The following GALNT13 variants were observed in gnomAD, a reference collection of about 807,000 sequenced individuals.
GALNT13 encodes UDP-GalNAc:polypeptide N-acetylgalactosaminyltransferase 13.
In GALNT13, 28 loss-of-function variants were observed where a neutral mutation model predicts 64.2. The observed-to-expected ratio is 0.44, with a 90% CI of 0.32 to 0.60. The LOEUF (loss-of-function observed/expected upper bound fraction) is 0.60. GALNT13 is among the 20% of genes least tolerant of loss of function. The pLI, the probability that GALNT13 is intolerant of heterozygous loss-of-function variation, is 0.05. For missense variants in GALNT13, 577 were observed against 669.8 expected, an observed-to-expected ratio of 0.86 and a Z score of 1.53; for synonymous variants, 214 against 224.6, an observed-to-expected ratio of 0.95 and a Z score of 0.42.
chr2:154,121,090 C>T (rs115276410), intron 3 of GALNT13, among the ~76,000 whole-genome samples: 2,299 of 152,260 alleles, frequency 0.015, 31 homozygotes, highest in African/African-American at 0.023. Context: ...GGTATTGTGC[C>T]GACTTGGGGA....
At chr2:153,455,909 C>T in the GALNT13 span, among the ~76,000 whole-genome samples, 1 of 152,056 alleles carries the variant, frequency 6.6e-6, no homozygotes, top group African/African-American at 2.4e-5. Flanking sequence ...ATTTTATTGC[C>T]AATTAAAATG....
chr2:153,502,884 C>A, the GALNT13 span, among the ~76,000 whole-genome samples: 8 of 151,994 alleles, frequency 5.3e-5, no homozygotes, highest in African/African-American at 1.9e-4. Flanking sequence ...TGTATGTCTT[C>A]TTTTGAGAAT....
At chr2:153,284,929 A>ACATATGTACATACACACATG in the GALNT13 span, among the ~76,000 whole-genome samples, 595 of 152,188 alleles carry the variant, frequency 3.9e-3, 4 homozygotes, top group Middle Eastern at 0.017. Flanking sequence ...TCTTATACAT[A>ACATATGTACATACACACATG]CATATGTACA....
At chr2:153,502,635 T>C in the GALNT13 span, among the ~76,000 whole-genome samples, 1 of 152,226 alleles carries the variant, frequency 6.6e-6, no homozygotes, top group Non-Finnish European at 1.5e-5. Context: ...AAATGTTAGA[T>C]CTACTTTTAG....
the GALNT13 span, among the ~76,000 whole-genome samples, chr2:153,409,280 A>G: frequency 6.7e-6 from 1 of 148,810 alleles, no homozygotes; most frequent in African/African-American, 2.5e-5. Flanking sequence ...TTTCATATAT[A>G]TATATATGAA....
the GALNT13 span, among the ~76,000 whole-genome samples, chr2:153,787,980 T>C: frequency 6.6e-6 from 1 of 152,188 alleles, no homozygotes; most frequent in Non-Finnish European, 1.5e-5. Flanking sequence ...TCCCTGAAAG[T>C]GACAGGGAGA....
chr2:153,315,537 A>G, the GALNT13 span, among the ~76,000 whole-genome samples: 24 of 152,384 alleles, frequency 1.6e-4, no homozygotes, highest in South Asian at 3.3e-3. Context: ...TTCAAAATAT[A>G]TAAAGCAACA....
At chr2:153,494,750 C>G in the GALNT13 span, among the ~76,000 whole-genome samples, 1 of 151,974 alleles carries the variant, frequency 6.6e-6, no homozygotes, top group African/African-American at 2.4e-5. Context: ...AAAATGGTAA[C>G]TTAGATTTCA....
At chr2:153,928,534 G>T (rs931172917) in intron 2 of GALNT13, among the ~76,000 whole-genome samples, 1 of 151,992 alleles carries the variant, frequency 6.6e-6, no homozygotes. Context: ...CCCTCTTGAG[G>T]ACTATTAATG....
the GALNT13 span, among the ~76,000 whole-genome samples, chr2:153,177,915 T>C: frequency 6.6e-6 from 1 of 152,224 alleles, no homozygotes; most frequent in African/African-American, 2.4e-5. Flanking sequence ...TTCTACTCGC[T>C]GCTTCTGTGA....
the GALNT13 span, among the ~76,000 whole-genome samples, chr2:153,081,697 C>A: frequency 6.6e-6 from 1 of 152,146 alleles, no homozygotes; most frequent in Non-Finnish European, 1.5e-5. Flanking sequence ...ATGACTAGAT[C>A]TCATTCTTTT....
At chr2:154,382,154 C>G (rs925636685) in intron 9 of GALNT13, among the ~76,000 whole-genome samples, 7 of 152,008 alleles carry the variant, frequency 4.6e-5, no homozygotes, top group African/African-American at 1.7e-4. Flanking sequence ...CTTCAGCTGC[C>G]CAATCCCCTC....
the GALNT13 span, among the ~76,000 whole-genome samples, chr2:153,821,037 A>G: frequency 1.4e-4 from 21 of 152,098 alleles, no homozygotes; most frequent in African/African-American, 4.8e-4. Flanking sequence ...TGCAAACAGA[A>G]GACTTAACTA....
At chr2:154,354,038 G>A (rs1305047061) in intron 9 of GALNT13, among the ~76,000 whole-genome samples, 1 of 152,118 alleles carries the variant, frequency 6.6e-6, no homozygotes, top group African/African-American at 2.4e-5. Context: ...CAGTGTATAA[G>A]GGTTTTCTTC....
chr2:154,116,825 C>T (rs1681592981), intron 3 of GALNT13, among the ~76,000 whole-genome samples: 1 of 152,130 alleles, frequency 6.6e-6, no homozygotes, highest in Non-Finnish European at 1.5e-5. Context: ...TTCTGTTTCT[C>T]TAGAACCACT....
chr2:153,424,161 C>T, the GALNT13 span, among the ~76,000 whole-genome samples: 2 of 150,278 alleles, frequency 1.3e-5, no homozygotes, highest in Non-Finnish European at 3.0e-5. Flanking sequence ...GATTCTGGGT[C>T]AATTGGCTAA....
chr2:154,112,644 G>A (rs1703052682), intron 3 of GALNT13, among the ~76,000 whole-genome samples: 3 of 152,184 alleles, frequency 2.0e-5, no homozygotes, highest in Admixed American at 2.0e-4. Flanking sequence ...TCCATGCTAA[G>A]TGCATAATCA....
chr2:153,671,161 G>T, the GALNT13 span, among the ~76,000 whole-genome samples: 2 of 152,154 alleles, frequency 1.3e-5, no homozygotes, highest in Non-Finnish European at 2.9e-5. Flanking sequence ...CCCCAACCTA[G>T]CAAGGCAGGC....
chr2:153,522,850 A>C, the GALNT13 span, among the ~76,000 whole-genome samples: 1 of 152,070 alleles, frequency 6.6e-6, no homozygotes, highest in Non-Finnish European at 1.5e-5. Flanking sequence ...AAAAGTTTGT[A>C]GTTTTAATGA....
Sources: allele counts gnomAD v4.1 joint callset (sites outside exome capture counted in the v4.1 genomes callset), GRCh38; gene constraint gnomAD v4.1.1; transcripts MANE v1.5; gene names NCBI Gene and HGNC (gene_info 2026-07-23, HGNC 2026-07-21).